CHM: variants seen among roughly 807,000 people sequenced by gnomAD.
CHM encodes the protein CHM Rab escort protein.
A neutral mutation model predicts 49.0 loss-of-function variants in CHM; 10 were observed. The ratio of observed to expected loss-of-function variants is 0.20; its 90% CI spans 0.13 to 0.35. CHM has a LOEUF of 0.35. Among genes scored for constraint, CHM ranks in the 10% least tolerant of loss-of-function variants. CHM has a pLI of 1.00. For synonymous variants in CHM, 184 were observed against 167.5 expected, an observed-to-expected ratio of 1.10 and a Z score of -0.76; for missense variants, 455 against 478.4, an observed-to-expected ratio of 0.95 and a Z score of 0.46.
Position 85,873,119 on chromosome X carries a change from A to G in CHM, c.1703T>C (p.Leu568Ser). 1 of 1,206,210 alleles carries G rather than the reference A, an allele frequency of 8.3e-7. No individual in the cohort carries two copies. The highest frequency in any genetic ancestry group is 1.1e-6 in the Non-Finnish European group (1 of 891,083). The stretch of plus-strand genomic sequence containing the variant: ...AGAGCAGACATAAACGTTGGATGGT[A>G]AATCATTATAACAGCTCCTGCTGAT... ...SDISRSCYND[L>S]PSNVYVCSGP... is the part of the protein sequence containing the mutation. The change falls in exon 14 of 15, where the codon TTA (leucine) becomes TCA (serine). Residue 568 changes from leucine to serine, a missense_variant. Transcript: ENST00000357749.
intron 2 of CHM, among the ~76,000 whole-genome samples, chrX:86,015,114 T>C (rs764682070): frequency 9.0e-6 from 1 of 110,938 alleles, no homozygotes; most frequent in South Asian, 3.9e-4. Context: ...CACTCTGATG[T>C]GGTTTGACAG....
rs184508604 is a variant in CHM, at chrX:85,883,155, G to A, written c.1511-4092C>T. 1.4e-3 allele frequency among the ~76,000 whole-genome samples: 158 copies of A among 111,321 alleles called. 1 individual carries two copies. Among genetic ancestry groups the A allele is most frequent in the African/African-American group, 4.5e-3 (139 of 30,747 alleles). ...GGAAATCTATTCCTCAAGCTTCTGAGGTTACCACATACAGCAGTCATTCAC... is the reference window on the plus strand; with the variant it reads ...GGAAATCTATTCCTCAAGCTTCTGAAGTTACCACATACAGCAGTCATTCAC... On this transcript the variant is annotated intron_variant, in intron 12 of 14. Transcript: ENST00000357749.
At chrX:85,941,847 A>ACAG (rs962900815) in intron 8 of CHM, among the ~76,000 whole-genome samples, 1 of 111,592 alleles carries the variant, frequency 9.0e-6, no homozygotes, top group Non-Finnish European at 1.9e-5. Context: ...GCATTCTGTA[A>ACAG]CAGCAGCAGC....
intron 13 of CHM, among the ~76,000 whole-genome samples, chrX:85,878,393 T>C (rs1924543145): frequency 9.1e-6 from 1 of 109,338 alleles, no homozygotes. Context: ...GGCAGGAGAA[T>C]TGCTTGAACG....
intron 8 of CHM, among the ~76,000 whole-genome samples, chrX:85,953,058 C>T (rs752934204): frequency 8.9e-6 from 1 of 112,475 alleles, no homozygotes; most frequent in Non-Finnish European, 1.9e-5. Flanking sequence ...ACCTATTAGA[C>T]TGACAAATTT....
At chrX:86,007,527 T>G (rs1334374606) in intron 2 of CHM, among the ~76,000 whole-genome samples, 1 of 111,838 alleles carries the variant, frequency 8.9e-6, no homozygotes, top group Non-Finnish European at 1.9e-5. Context: ...AAAGGGCTAA[T>G]ATCCAGAATC....
At chrX:85,994,831 T>G (rs1932365032) in intron 2 of CHM, among the ~76,000 whole-genome samples, 1 of 111,814 alleles carries the variant, frequency 8.9e-6, no homozygotes, top group Non-Finnish European at 1.9e-5. Context: ...TTTCTCTTTA[T>G]TTTTGAAAGA....
rs1172021420 is a variant in CHM, at chrX:85,881,854, A to G, written c.1511-2791T>C. Among the ~76,000 whole-genome samples, 3 of 112,252 alleles carry G rather than the reference A, an allele frequency of 2.7e-5. No individual in the cohort carries two copies. The East Asian group carries it at 8.4e-4, about 31-fold the overall frequency. On this transcript the variant is annotated intron_variant, in intron 12 of 14. Transcript: ENST00000357749. Reference sequence around the variant, plus strand: ...TATTTACCAAAACTGTAATATATTTATGACAGTTAGATTAATTCTGTAGAA... The same window carrying G: ...TATTTACCAAAACTGTAATATATTTGTGACAGTTAGATTAATTCTGTAGAA...
Position 86,041,738 on chromosome X carries a change from A to G in CHM, c.49+5746T>C, listed in dbSNP as rs551608826. On this transcript the variant is annotated intron_variant, in intron 1 of 14. Coordinates refer to ENST00000357749, the MANE Select transcript of CHM (RefSeq NM_000390.4). ...ATATGGTGTGTGTGTATATATATAT[A>G]TATATATATATATATATATACATAT... Among the ~76,000 whole-genome samples the G allele has an allele frequency of 1.2e-3, 118 of 98,459 alleles. 3 individuals carry two copies. In the South Asian group the frequency reaches 0.024, roughly 20 times the overall value. The allele number at this position is 98,459 out of a possible 115,157, so 85.5% of individuals were successfully genotyped here.
chrX:86,007,385 G>A (rs776380182), intron 2 of CHM, among the ~76,000 whole-genome samples: 1 of 111,702 alleles, frequency 9.0e-6, no homozygotes, highest in South Asian at 3.7e-4. Flanking sequence ...AAAAGCAATG[G>A]CAACAAAAGC....
In CHM at chrX:86,027,576, G is replaced by C; in HGVS notation, c.50-19C>G. ...GGCAAACCTACAAAAACACACACCC[G>C]TATCATTTAGAATGTAGAAATATAT... On this transcript the variant is annotated intron_variant, in intron 1 of 14. Transcript: ENST00000357749. 4.3e-6 allele frequency: 5 copies of C among 1,163,813 alleles called. No individual in the cohort carries two copies. The highest frequency in any genetic ancestry group is 5.9e-6 in the Non-Finnish European group (5 of 852,620).
intron 5 of CHM, among the ~76,000 whole-genome samples, chrX:85,963,088 T>C (rs1044099485): frequency 7.2e-5 from 8 of 111,307 alleles, no homozygotes; most frequent in South Asian, 7.6e-4. Context: ...CCATGGTGTT[T>C]TGCTGCACCC....
intron 2 of CHM, among the ~76,000 whole-genome samples, chrX:86,023,051 G>GA (rs1933668036): frequency 9.0e-6 from 1 of 110,743 alleles, no homozygotes; most frequent in South Asian, 3.8e-4. Context: ...ATTGCCAATA[G>GA]CTTCTTCAGT....
At chrX:85,879,371 A>G (rs1240780101) in intron 12 of CHM, among the ~76,000 whole-genome samples, 1 of 112,101 alleles carries the variant, frequency 8.9e-6, no homozygotes, top group East Asian at 2.8e-4. Flanking sequence ...TATTTACCTA[A>G]GAGAACACAC....
intron 1 of CHM, among the ~76,000 whole-genome samples, chrX:86,037,820 C>A (rs1934309368): frequency 9.0e-6 from 1 of 110,698 alleles, no homozygotes; most frequent in African/African-American, 3.3e-5. Context: ...ATTATCATAT[C>A]CATCCTATCA....
At chrX:86,026,164 G>A (rs1933817640) in intron 2 of CHM, among the ~76,000 whole-genome samples, 1 of 72,456 alleles carries the variant, frequency 1.4e-5, no homozygotes, top group East Asian at 5.4e-4. Flanking sequence ...CTGTCACCCA[G>A]GTTGTAGTGC....
chrX:85,993,849 C>T (rs896610022), intron 2 of CHM, among the ~76,000 whole-genome samples: 5 of 111,865 alleles, frequency 4.5e-5, no homozygotes, highest in African/African-American at 6.5e-5. Flanking sequence ...TAAAAAAAGA[C>T]AGAACTACTC....
At chrX:85,976,045 CAATTTTT>C (rs1931237236) in intron 4 of CHM, among the ~76,000 whole-genome samples, 1 of 111,895 alleles carries the variant, frequency 8.9e-6, no homozygotes, top group Non-Finnish European at 1.9e-5. Context: ...TAAAAGGGTA[CAATTTTT>C]ATTCTAATCA....
At chrX:85,933,631 C>A (rs1471641104) in intron 8 of CHM, among the ~76,000 whole-genome samples, 1 of 112,147 alleles carries the variant, frequency 8.9e-6, no homozygotes, top group Non-Finnish European at 1.9e-5. Context: ...GAGTTAATTT[C>A]TCCTTTAAAT....
Sources: gnomAD v4.1 joint callset for allele counts (sites outside exome capture counted in the v4.1 genomes callset) on GRCh38, gnomAD v4.1.1 for gene constraint, MANE v1.5 for transcripts, NCBI Gene and HGNC (gene_info 2026-07-23, HGNC 2026-07-21) for gene names.